GRM1: variants seen among roughly 807,000 people sequenced by gnomAD.
GRM1 encodes metabotropic glutamate receptor 1.
Under a neutral mutation model 90.9 loss-of-function variants are expected in GRM1, and 33 were observed. The ratio of observed to expected loss-of-function variants is 0.36; its 90% confidence interval spans 0.28 to 0.49. The LOEUF (loss-of-function observed/expected upper bound fraction) is 0.49. Ranked by LOEUF, GRM1 falls within the 20% of genes least tolerant of loss-of-function variation. The pLI is 0.99. For synonymous variants in GRM1, 700 were observed against 613.2 expected (o/e 1.14, Z -2.09); for missense variants, 1,190 against 1,534.3 (o/e 0.78, Z 3.75).
intron 7 of GRM1, among the ~76,000 whole-genome samples, chr6:146,431,391 A>G (rs2114689889): frequency 6.6e-6 from 1 of 152,348 alleles, no homozygotes; most frequent in Admixed American, 6.5e-5. Context: ...ATTTAAAAAG[A>G]GGCCCACATA....
chr6:146,066,003 G>T (rs976783034), intron 1 of GRM1, among the ~76,000 whole-genome samples: 1 of 151,156 alleles, frequency 6.6e-6, no homozygotes, highest in Non-Finnish European at 1.5e-5. Context: ...GAACTGTATT[G>T]TAAGGCTGTG....
intron 1 of GRM1, among the ~76,000 whole-genome samples, chr6:146,087,463 C>T (rs775480209): frequency 6.6e-6 from 1 of 152,032 alleles, no homozygotes; most frequent in Non-Finnish European, 1.5e-5. Flanking sequence ...TCTGTGTTTG[C>T]GCGCATGTGT....
At chr6:146,206,016 G>C (rs1412720948) in intron 2 of GRM1, among the ~76,000 whole-genome samples, 1 of 152,166 alleles carries the variant, frequency 6.6e-6, no homozygotes, top group Non-Finnish European at 1.5e-5. Context: ...GGTGGAAGGT[G>C]ATTAAAGAAA....
intron 1 of GRM1, among the ~76,000 whole-genome samples, chr6:146,137,687 G>T (rs921562387): frequency 6.6e-6 from 1 of 151,906 alleles, no homozygotes; most frequent in Non-Finnish European, 1.5e-5. Context: ...TTCCATTTTT[G>T]TGAAGAACAT....
intron 2 of GRM1, among the ~76,000 whole-genome samples, chr6:146,207,996 G>T (rs1279285666): frequency 6.6e-6 from 1 of 152,008 alleles, no homozygotes; most frequent in Non-Finnish European, 1.5e-5. Context: ...TCTTGCAAAA[G>T]ACCTCTTTCT....
chr6:146,364,244 T>C (rs977669806), intron 5 of GRM1, among the ~76,000 whole-genome samples: 4 of 152,238 alleles, frequency 2.6e-5, no homozygotes, highest in African/African-American at 9.6e-5. Flanking sequence ...ATAGAAATAG[T>C]TTCTTTCTCC....
chr6:146,366,502 T>C (rs575010688), intron 5 of GRM1, among the ~76,000 whole-genome samples: 1 of 152,224 alleles, frequency 6.6e-6, no homozygotes, highest in South Asian at 2.1e-4. Context: ...CCCCTCTCCT[T>C]TCCCCTTCCC....
chr6:146,418,881 T>G (rs945541119), intron 7 of GRM1, among the ~76,000 whole-genome samples: 8 of 152,176 alleles, frequency 5.3e-5, no homozygotes, highest in African/African-American at 1.9e-4. Context: ...AAAAGTAATG[T>G]TCGCATGAGA....
intron 1 of GRM1, among the ~76,000 whole-genome samples, chr6:146,031,939 A>G (rs1329547813): frequency 6.6e-6 from 1 of 152,130 alleles, no homozygotes; most frequent in Admixed American, 6.6e-5. Flanking sequence ...TTAATATTGG[A>G]AGTATAAATT....
At chr6:146,112,954 TA>T (rs1237366842) in intron 1 of GRM1, among the ~76,000 whole-genome samples, 1 of 152,188 alleles carries the variant, frequency 6.6e-6, no homozygotes, top group Admixed American at 6.5e-5. Context: ...ATAGACAGGG[TA>T]AAACTTTAAT....
intron 2 of GRM1, among the ~76,000 whole-genome samples, chr6:146,161,143 A>G (rs1777708407): frequency 6.6e-6 from 1 of 152,184 alleles, no homozygotes; most frequent in African/African-American, 2.4e-5. Context: ...GCTTTTAGGA[A>G]GGTTGCTTGT....
At position 146,303,588 on chromosome 6, in the gene GRM1, T is replaced by TAAACC. The variant is rs1475911129; in HGVS notation, c.951-1022_951-1018dup. ...TAAATGTAATCATCAAGAATAGTGG[T>TAAACC]AAACCCCTCCCTTCCAGTTTCTGTG... On this transcript the variant is annotated intron_variant, in intron 2 of 7. Coordinates refer to ENST00000282753, the MANE Select transcript of GRM1 (RefSeq NM_001278064.2). Among the ~76,000 whole-genome samples, 4 of 152,262 alleles carry TAAACC rather than the reference T, an allele frequency of 2.6e-5. No individual in the cohort carries two copies. The East Asian group carries it at 7.7e-4, about 29-fold the overall frequency.
intron 2 of GRM1, among the ~76,000 whole-genome samples, chr6:146,298,826 C>T (rs1783273816): frequency 6.6e-6 from 1 of 152,136 alleles, no homozygotes; most frequent in Admixed American, 6.5e-5. Context: ...ACCGTCTTCT[C>T]GTAGAAAATG....
chr6:146,347,745 AG>A (rs1431539871), intron 3 of GRM1, among the ~76,000 whole-genome samples: 1 of 152,178 alleles, frequency 6.6e-6, no homozygotes, highest in Non-Finnish European at 1.5e-5. Context: ...ATATGTAAAA[AG>A]TTTTTGACCT....
chr6:146,071,657 A>G (rs540347853), intron 1 of GRM1, among the ~76,000 whole-genome samples: 1 of 145,102 alleles, frequency 6.9e-6, no homozygotes, highest in Non-Finnish European at 1.5e-5. Context: ...ACTTAATAGG[A>G]ATGTTTTTGA....
intron 6 of GRM1, among the ~76,000 whole-genome samples, chr6:146,398,206 A>C (rs1466411023): frequency 6.6e-6 from 1 of 152,126 alleles, no homozygotes; most frequent in Non-Finnish European, 1.5e-5. Flanking sequence ...GAGAAGAGTG[A>C]GATTTAAGGT....
intron 2 of GRM1, among the ~76,000 whole-genome samples, chr6:146,257,703 G>T (rs1439396114): frequency 6.6e-6 from 1 of 152,092 alleles, no homozygotes; most frequent in Non-Finnish European, 1.5e-5. Context: ...GAAGACTCGT[G>T]AACCAGCTCA....
At chr6:146,057,366 A>G (rs1775515315) in intron 1 of GRM1, among the ~76,000 whole-genome samples, 1 of 152,124 alleles carries the variant, frequency 6.6e-6, no homozygotes, top group Non-Finnish European at 1.5e-5. Context: ...GGAATAACCT[A>G]GGCATCACAC....
intron 5 of GRM1, among the ~76,000 whole-genome samples, chr6:146,373,215 G>A (rs1342609835): frequency 1.3e-5 from 2 of 151,976 alleles, no homozygotes; most frequent in African/African-American, 4.8e-5. Flanking sequence ...AATTTTATGT[G>A]TGTGTATTAG....
Sources: allele counts gnomAD v4.1 joint callset (sites outside exome capture counted in the v4.1 genomes callset), GRCh38; gene constraint gnomAD v4.1.1; transcripts MANE v1.5; gene names NCBI Gene and HGNC (gene_info 2026-07-23, HGNC 2026-07-21).